The following MAPK4 variants were observed in gnomAD, a reference collection of about 807,000 sequenced individuals.
MAPK4 encodes mitogen-activated protein kinase 4.
MAPK4 carries 22 observed loss-of-function variants against 47.7 expected under a neutral mutation model. The observed-to-expected ratio is 0.46, with a 90% CI of 0.33 to 0.66. The LOEUF is 0.66. MAPK4 is among the 30% of genes least tolerant of loss of function. The pLI is 0.02. For missense variants in MAPK4, 736 were observed against 831.7 expected (o/e 0.88, Z 1.42); for synonymous variants, 390 against 365.7 (o/e 1.07, Z -0.76).
chr18:50,575,514 C>A (rs2042287095), intron 1 of MAPK4, among the ~76,000 whole-genome samples: 1 of 151,902 alleles, frequency 6.6e-6, no homozygotes, highest in Non-Finnish European at 1.5e-5. Flanking sequence ...TTTCTGAAGT[C>A]ACCCAAAGGA....
intron 1 of MAPK4, among the ~76,000 whole-genome samples, chr18:50,661,666 C>T (rs937883701): frequency 1.4e-4 from 21 of 152,262 alleles, no homozygotes; most frequent in Non-Finnish European, 2.8e-4. Flanking sequence ...TCCGGCCCTA[C>T]CCATTAAATA....
intron 1 of MAPK4, among the ~76,000 whole-genome samples, chr18:50,600,087 A>G (rs2042521522): frequency 6.6e-6 from 1 of 152,172 alleles, no homozygotes; most frequent in African/African-American, 2.4e-5. Flanking sequence ...AAGCCACTGT[A>G]TTTGATATAG....
intron 2 of MAPK4, among the ~76,000 whole-genome samples, chr18:50,708,686 C>A (rs1156993634): frequency 6.6e-6 from 1 of 152,152 alleles, no homozygotes; most frequent in Admixed American, 6.5e-5. Context: ...GTCTAGACAG[C>A]CCAGGCCCCC....
At chr18:50,630,684 AGTGG>A in intron 1 of MAPK4, among the ~76,000 whole-genome samples, 1 of 152,218 alleles carries the variant, frequency 6.6e-6, no homozygotes, top group Non-Finnish European at 1.5e-5. Context: ...GCAGGTGCTT[AGTGG>A]TCTGCTGGGT....
chr18:50,601,506 C>T (rs958293402), intron 1 of MAPK4, among the ~76,000 whole-genome samples: 1 of 152,056 alleles, frequency 6.6e-6, no homozygotes, highest in African/African-American at 2.4e-5. Flanking sequence ...TCCTTCCACC[C>T]CTCCTTCCAC....
chr18:50,727,296 C>G (rs1911253483), intron 5 of MAPK4, among the ~76,000 whole-genome samples: 1 of 152,194 alleles, frequency 6.6e-6, no homozygotes, highest in African/African-American at 2.4e-5. Context: ...GGGGGCCTAA[C>G]TGGGAGTCCC....
chr18:50,692,649 G>A (rs2144353727), intron 2 of MAPK4, among the ~76,000 whole-genome samples: 1 of 152,274 alleles, frequency 6.6e-6, no homozygotes, highest in East Asian at 1.9e-4. Context: ...CAATAAATAT[G>A]AGCTGTTTGC....
At chr18:50,665,435 A>G (rs1907546703) in intron 2 of MAPK4, among the ~76,000 whole-genome samples, 1 of 152,214 alleles carries the variant, frequency 6.6e-6, no homozygotes. Context: ...TTGATGCTAC[A>G]AAAAATGTTA....
chr18:50,642,437 CAT>C (rs1402969503), intron 1 of MAPK4, among the ~76,000 whole-genome samples: 1 of 152,168 alleles, frequency 6.6e-6, no homozygotes, highest in East Asian at 1.9e-4. Flanking sequence ...CTGGTGTATG[CAT>C]TTTGCCCTTC....
At chr18:50,660,098 C>T (rs1340084032) in intron 1 of MAPK4, among the ~76,000 whole-genome samples, 1 of 152,168 alleles carries the variant, frequency 6.6e-6, no homozygotes, top group Non-Finnish European at 1.5e-5. Flanking sequence ...ATCAGCCCAC[C>T]TAGGGAGAAA....
intron 1 of MAPK4, among the ~76,000 whole-genome samples, chr18:50,601,333 CAAAAAAAAAAAA>C (rs35148592): frequency 1.9e-5 from 1 of 53,194 alleles, no homozygotes; most frequent in African/African-American, 6.0e-5. Context: ...GACTCTATGT[CAAAAAAAAAAAA>C]AAAAAAAAAA....
intron 2 of MAPK4, among the ~76,000 whole-genome samples, chr18:50,671,563 C>T (rs928350968): frequency 2.6e-5 from 4 of 152,060 alleles, no homozygotes; most frequent in Non-Finnish European, 4.4e-5. Flanking sequence ...AGTGGCTTTG[C>T]GTGGGAGCTC....
At chr18:50,588,721 A>G (rs1393005295) in intron 1 of MAPK4, among the ~76,000 whole-genome samples, 1 of 151,972 alleles carries the variant, frequency 6.6e-6, no homozygotes, top group African/African-American at 2.4e-5. Flanking sequence ...TGCCCAGCTA[A>G]TTTTTTGTAT....
At chr18:50,608,930 G>T (rs891997148) in intron 1 of MAPK4, among the ~76,000 whole-genome samples, 1 of 151,766 alleles carries the variant, frequency 6.6e-6, no homozygotes. Flanking sequence ...GACTCTTAAC[G>T]AGCATGCTGC....
At chr18:50,726,625 C>T (rs189823895) in intron 5 of MAPK4, among the ~76,000 whole-genome samples, 119 of 152,252 alleles carry the variant, frequency 7.8e-4, no homozygotes, top group African/African-American at 1.4e-3. Flanking sequence ...AAACCAGGTT[C>T]GGTGGCTCAT....
At chr18:50,654,806 T>C (rs1016518548) in intron 1 of MAPK4, among the ~76,000 whole-genome samples, 2 of 152,192 alleles carry the variant, frequency 1.3e-5, no homozygotes, top group African/African-American at 4.8e-5. Flanking sequence ...GCTTTGCTGA[T>C]GTGGTGCTGG....
At chr18:50,618,596 T>C (rs2042704667) in intron 1 of MAPK4, among the ~76,000 whole-genome samples, 1 of 152,222 alleles carries the variant, frequency 6.6e-6, no homozygotes, top group African/African-American at 2.4e-5. Context: ...AAACGCTGCA[T>C]CTTTTATTTG....
At chr18:50,701,567 G>A (rs1170739991) in intron 2 of MAPK4, among the ~76,000 whole-genome samples, 3 of 152,096 alleles carry the variant, frequency 2.0e-5, no homozygotes, top group African/African-American at 7.2e-5. Context: ...TGCCAGCATT[G>A]TGGTGTAGGA....
chr18:50,607,381 T>TAA (rs748143683), intron 1 of MAPK4, among the ~76,000 whole-genome samples: 1 of 152,230 alleles, frequency 6.6e-6, no homozygotes, highest in Admixed American at 6.5e-5. Flanking sequence ...ATTCTAAATC[T>TAA]AAAGTTCTTC....
Sources: allele counts gnomAD v4.1 joint callset (sites outside exome capture counted in the v4.1 genomes callset), GRCh38; gene constraint gnomAD v4.1.1; transcripts MANE v1.5; gene names NCBI Gene and HGNC (gene_info 2026-07-23, HGNC 2026-07-21).